The following YIPF6 variants were observed in gnomAD, a reference collection of about 807,000 sequenced individuals.
The protein encoded by YIPF6 is Yip1 domain family member 6.
Under a neutral mutation model 16.8 loss-of-function variants are expected in YIPF6, and 3 were observed. The observed-to-expected ratio is 0.18, with a 90% CI of 0.08 to 0.46. The LOEUF (loss-of-function observed/expected upper bound fraction) is 0.46, where lower values mean the gene tolerates loss of function less well. Ranked by LOEUF, YIPF6 falls within the 20% of genes least tolerant of loss-of-function variation. The pLI is 0.98. For synonymous variants in YIPF6, 67 were observed against 61.9 expected, an observed-to-expected ratio of 1.08 and a Z score of -0.38; for missense variants, 145 against 184.9, an observed-to-expected ratio of 0.78 and a Z score of 1.25.
At chrX:68,514,629 G>A (rs201089772) in intron 3 of YIPF6, 2 of 112,357 alleles carry the variant, frequency 1.8e-5, no homozygotes, top group Admixed American at 9.4e-5. Context: ...GGCTGGTCTC[G>A]AACTGCTGAC....
intron 1 of YIPF6, among the ~76,000 whole-genome samples, chrX:68,503,291 G>A (rs922911376): frequency 8.9e-6 from 1 of 111,896 alleles, no homozygotes; most frequent in African/African-American, 3.2e-5. Context: ...TGCTTTTATT[G>A]TGTGTTTTTT....
rs965562915 is a variant in YIPF6, at chrX:68,501,530, C to A, written c.57+2407C>A. ...GACATGCAGGGAGGTTTGATGATTT[C>A]CCTAGGGTCTACATCCAGTTAGTGC... On this transcript the variant is annotated intron_variant, in intron 1 of 6. Transcript: ENST00000462683. Among the ~76,000 whole-genome samples the A allele has an allele frequency of 3.6e-5, 4 of 111,727 alleles. No homozygotes were observed. The Admixed American group carries it at 3.8e-4, about 11-fold the overall frequency.
chrX:68,514,246 A>G (rs1005386355), intron 3 of YIPF6: 4 of 102,389 alleles, frequency 3.9e-5, no homozygotes, highest in Non-Finnish European at 5.9e-5. Context: ...AAAAATATAT[A>G]TATATATATA....
chrX:68,513,570 A>T (rs764052397), intron 3 of YIPF6, 165 bp downstream of exon 3: 1 of 324,911 alleles, frequency 3.1e-6, no homozygotes, highest in South Asian at 1.0e-4. Flanking sequence ...GAAATTAAAA[A>T]TTGATTTTAT....
At chrX:68,530,866 T>A (rs958294068) in intron 6 of YIPF6, among the ~76,000 whole-genome samples, 48 of 111,594 alleles carry the variant, frequency 4.3e-4, no homozygotes, top group African/African-American at 1.5e-3. Flanking sequence ...ACCTGCCTTC[T>A]GTATTGATCT....
chrX:68,528,155 C>T (rs1049394304), intron 6 of YIPF6, among the ~76,000 whole-genome samples: 2 of 111,195 alleles, frequency 1.8e-5, no homozygotes, highest in East Asian at 2.8e-4. Context: ...GTTTTATGAA[C>T]CTGGGTGCTC....
intron 6 of YIPF6, 39 bp from the exon 7 acceptor site, chrX:68,531,842 T>A: frequency 1.1e-6 from 1 of 919,630 alleles, no homozygotes; most frequent in Non-Finnish European, 1.5e-6. Context: ...AATATTACTG[T>A]ATTAAACATT....
chrX:68,511,732 C>A, intron 1 of YIPF6, 117 bp from the exon 2 acceptor site: 1 of 841,062 alleles, frequency 1.2e-6, no homozygotes, highest in Non-Finnish European at 1.6e-6. Context: ...CTAACACCTA[C>A]TTTCCTATGT....
At chrX:68,508,876 A>T (rs1226144883) in intron 1 of YIPF6, among the ~76,000 whole-genome samples, 1 of 111,372 alleles carries the variant, frequency 9.0e-6, no homozygotes. Flanking sequence ...ATAATTTGTT[A>T]TTGATATTGA....
At chrX:68,506,713 T>A (rs1386437365) in intron 1 of YIPF6, among the ~76,000 whole-genome samples, 1 of 110,893 alleles carries the variant, frequency 9.0e-6, no homozygotes, top group East Asian at 2.8e-4. Flanking sequence ...AAAAAAACAA[T>A]AAATAAATAA....
chrX:68,512,352 T>G (rs924526249), intron 2 of YIPF6, among the ~76,000 whole-genome samples: 1 of 109,585 alleles, frequency 9.1e-6, no homozygotes, highest in South Asian at 3.9e-4. Context: ...TCCCAGCTGC[T>G]TGGGAGACTG....
rs1432783547 is a variant in YIPF6, at chrX:68,525,205, T to C, written c.592+2288T>C. Among the ~76,000 whole-genome samples the C allele has an allele frequency of 4.4e-5, 5 of 112,526 alleles. No individual in the cohort carries two copies. The Admixed American group carries it at 4.7e-4, about 11-fold the overall frequency. On this transcript the variant is annotated intron_variant, in intron 6 of 6. Coordinates refer to ENST00000462683, the MANE Select transcript of YIPF6 (RefSeq NM_173834.4). ...CTAACTGGCGTGAGATGGTATCTCA[T>C]TGTGGTTTTGATTTGCATTTCTCTC...
intron 1 of YIPF6, among the ~76,000 whole-genome samples, chrX:68,507,325 T>C (rs1178113326): frequency 8.9e-6 from 1 of 112,488 alleles, no homozygotes; most frequent in Non-Finnish European, 1.9e-5. Flanking sequence ...TTTATTTATG[T>C]AAATCCAAGT....
At chrX:68,513,234 C>T in intron 2 of YIPF6, 93 bp from the exon 3 acceptor site, 4 of 661,499 alleles carry the variant, frequency 6.0e-6, no homozygotes, top group Non-Finnish European at 6.9e-6. Flanking sequence ...GAAGAGTTCA[C>T]AGGAGATTGA....
intron 1 of YIPF6, 176 bp downstream of exon 1, chrX:68,499,299 T>A (rs756455974): frequency 3.6e-6 from 2 of 553,825 alleles, no homozygotes; most frequent in South Asian, 8.3e-5. Flanking sequence ...CTAACCGCTT[T>A]GCCCCCTGCC....
At chrX:68,513,707 C>T (rs2079090273) in intron 3 of YIPF6, 1 of 121,731 alleles carries the variant, frequency 8.2e-6, no homozygotes, top group South Asian at 3.6e-4. Context: ...CATGCCTCAG[C>T]CTCCTGAGTA....
At chrX:68,509,829 C>CT (rs2079073386) in intron 1 of YIPF6, among the ~76,000 whole-genome samples, 1 of 111,774 alleles carries the variant, frequency 8.9e-6, no homozygotes, top group African/African-American at 3.2e-5. Context: ...CTTTAAGGCT[C>CT]TTTCCTCTAG....
intron 6 of YIPF6, among the ~76,000 whole-genome samples, chrX:68,525,110 TA>T (rs1165760971): frequency 1.8e-5 from 2 of 112,292 alleles, no homozygotes; most frequent in Non-Finnish European, 3.8e-5. Context: ...ACCAACAGTG[TA>T]AAAATATTTC....
chrX:68,513,445 T>A (rs1393185867), intron 3 of YIPF6, 40 bp downstream of exon 3: 1 of 976,199 alleles, frequency 1.0e-6, no homozygotes, highest in Non-Finnish European at 1.4e-6. Flanking sequence ...TTAATCTATC[T>A]CACTGTACCT....
Sources: allele counts gnomAD v4.1 joint callset (sites outside exome capture counted in the v4.1 genomes callset), GRCh38; gene constraint gnomAD v4.1.1; transcripts MANE v1.5; gene names NCBI Gene and HGNC (gene_info 2026-07-23, HGNC 2026-07-21).